RNF40: variants seen among roughly 807,000 people sequenced by gnomAD.
RNF40 encodes the protein E3 ubiquitin-protein ligase BRE1B.
A neutral mutation model predicts 123.3 loss-of-function variants in RNF40; 39 were observed. The observed-to-expected ratio is 0.32, with a 90% CI of 0.24 to 0.41. The LOEUF (loss-of-function observed/expected upper bound fraction) is 0.41. RNF40 is among the 10% of genes least tolerant of loss of function. The probability of loss-of-function intolerance (pLI) is 1.00; values close to 1 mark genes in which losing one functional copy is unlikely to be tolerated. For synonymous variants in RNF40, 538 were observed against 526.0 expected (o/e 1.02, Z -0.31); for missense variants, 1,003 against 1,319.9 (o/e 0.76, Z 3.72).
At chr16:30,761,814 G>T, upstream of RNF40, 1 of 1,406,640 alleles carries the variant, frequency 7.1e-7, no homozygotes, top group Non-Finnish European at 9.4e-7. Flanking sequence ...GACAGCCAGC[G>T]CTCGGTCGGC....
chr16:30,764,699 G>C (rs1321535995), intron 5 of RNF40, among the ~76,000 whole-genome samples: 1 of 152,214 alleles, frequency 6.6e-6, no homozygotes, highest in African/African-American at 2.4e-5. Flanking sequence ...GGCCTTGTAG[G>C]TTGACAGGCT....
At chr16:30,765,643 C>A in intron 8 of RNF40, 144 bp downstream of exon 8, 1 of 728,828 alleles carries the variant, frequency 1.4e-6, no homozygotes, top group South Asian at 1.8e-5. Context: ...CATTCATATA[C>A]TTGTTGAGTA....
Position 30,764,953 on chromosome 16 carries a change from T to A in RNF40, c.665T>A (p.Leu222His), listed in dbSNP as rs747623090. The A allele has an allele frequency of 1.2e-6, 2 of 1,612,102 alleles. No homozygotes were observed. Among genetic ancestry groups the A allele is most frequent in the East Asian group, 4.5e-5 (2 of 44,868 alleles). The change falls in exon 6 of 20, where the codon CTC (leucine) becomes CAC (histidine). Residue 222 changes from leucine (L) to histidine (H), a missense_variant. By Grantham distance (99) the Leu-to-His change is moderately conservative (BLOSUM62 -3). This residue lies in a region of RNF40 where 274 missense variants were observed against 356.9 expected (regional missense o/e 0.77). Coordinates refer to ENST00000324685, the MANE Select transcript of RNF40 (RefSeq NM_014771.4). ...GCCTTCCCAGGGGACAGTGAGCCCC[T>A]CAGTGAGGCGGCTCAGGCACACACC... ...RVYSRGDSEP[L>H]SEAAQAHTRE...
chr16:30,761,653 G>C (rs1199968486), upstream of RNF40: 2 of 1,535,838 alleles, frequency 1.3e-6, no homozygotes, highest in African/African-American at 1.4e-5. Context: ...GCACTGAGCT[G>C]CGATCCTTCC....
chr16:30,762,279 G>GT (rs1215979745), upstream of RNF40: 2 of 428,614 alleles, frequency 4.7e-6, no homozygotes, highest in Non-Finnish European at 8.4e-6. Context: ...CGCACCGTTG[G>GT]GGGGGGGGCA....
intron 8 of RNF40, 101 bp downstream of exon 8, chr16:30,765,600 TTCCTGGTCAC>T: frequency 9.5e-7 from 1 of 1,051,544 alleles, no homozygotes; most frequent in South Asian, 1.4e-5. Context: ...TCTGAGGCCC[TTCCTGGTCAC>T]TCCTGCTGCT....
Position 30,768,709 on chromosome 16 carries a change from G to A in RNF40, c.2070G>A (p.Met690Ile). ...AGCAGCGGGATAAGGTGCAGCTCAT[G>A]GCAGCGGAACGCAAGGCTAAGGCCG... is the stretch of plus-strand genomic sequence containing the variant. ...PKEQRDKVQL[M>I]AAERKAKAEV... Residue 690 changes from methionine (M) to isoleucine (I), a missense_variant, in exon 14 of 20, where the codon ATG (methionine) becomes ATA (isoleucine). Around this residue, in one of 11 missense-constraint regions of RNF40, gnomAD observed 295 missense variants for 331.7 expected, o/e 0.89. Coordinates refer to ENST00000324685, the MANE Select transcript of RNF40 (RefSeq NM_014771.4). The surrounding 1 kb of genome is among the most constrained non-coding windows in gnomAD (Gnocchi z 4.1). The A allele has an allele frequency of 6.2e-7, 1 of 1,614,108 alleles. No individual in the cohort carries two copies. The highest frequency in any genetic ancestry group is 1.1e-5 in the South Asian group (1 of 91,086).
At chr16:30,765,642 A>G in intron 8 of RNF40, 143 bp downstream of exon 8, 2 of 732,246 alleles carry the variant, frequency 2.7e-6, no homozygotes, top group Non-Finnish European at 4.5e-6. Flanking sequence ...GCATTCATAT[A>G]CTTGTTGAGT....
In RNF40 at chr16:30,766,498, G is replaced by C. The variant is rs139539933; in HGVS notation, c.1233G>C (p.Glu411Asp). 6.2e-7 allele frequency: 1 copy of C among 1,613,468 alleles called. No homozygotes were observed. The highest frequency in any genetic ancestry group is 1.3e-5 in the African/African-American group (1 of 74,898). Residue 411 changes from glutamate (E) to aspartate (D), a missense_variant, in exon 10 of 20, where the codon GAG becomes GAC. Coordinates refer to ENST00000324685, the MANE Select transcript of RNF40 (RefSeq NM_014771.4). This position sits in a 1 kb window ranked among gnomAD's most constrained non-coding sequence, Gnocchi z 5.4. ...TGCAAGTGAAGACCCAGCTAGACGA[G>C]GCTCGGGGCCTGCTGCTGGCCACAA... ...ESLQVKTQLD[E>D]ARGLLLATKN...
In RNF40 at chr16:30,768,471, G is replaced by C; in HGVS notation, c.1920G>C (p.Lys640Asn). ...CAAGGGCTGATCGGGAGAAGGCCAAGGTGGAAGAAACCAAGCGGAAGGAAT... is the reference window on the plus strand; with the variant it reads ...CAAGGGCTGATCGGGAGAAGGCCAACGTGGAAGAAACCAAGCGGAAGGAAT... The part of the protein sequence containing the change: ...ALSRADREKA[K>N]VEETKRKESE... The change falls in exon 13 of 20, where the codon AAG (lysine) becomes AAC (asparagine). Residue 640 changes from lysine (K) to asparagine (N), a missense_variant. By Grantham distance (94) the Lys-to-Asn change is moderately conservative. Coordinates refer to ENST00000324685, the MANE Select transcript of RNF40 (RefSeq NM_014771.4). This position sits in a 1 kb window ranked among gnomAD's most constrained non-coding sequence, Gnocchi z 4.1. 2 of 1,611,188 alleles carry C rather than the reference G, an allele frequency of 1.2e-6. No individual in the cohort carries two copies. Among genetic ancestry groups the C allele is most frequent in the South Asian group, 2.2e-5 (2 of 90,900 alleles).
chr16:30,763,569 G>C lies in RNF40; in HGVS notation c.442+10G>C. 2 of 1,613,882 alleles carry C rather than the reference G, an allele frequency of 1.2e-6. No homozygotes were observed. The highest frequency in any genetic ancestry group is 1.7e-6 in the Non-Finnish European group (2 of 1,179,974). On this transcript the variant is annotated intron_variant, in intron 4 of 19. Coordinates refer to ENST00000324685, the MANE Select transcript of RNF40 (RefSeq NM_014771.4). ...ACATCAGAGCTGAGAGGTAGGACCA[G>C]AGTGCTGGGATCTGGGGAGCTTAAG... is the stretch of plus-strand genomic sequence containing the variant.
chr16:30,767,788 C>T, intron 11 of RNF40, 106 bp from the exon 12 acceptor site: 1 of 1,470,610 alleles, frequency 6.8e-7, no homozygotes, highest in Admixed American at 1.7e-5. Context: ...GCAATGTTCC[C>T]CTCCTGCACA....
intron 19 of RNF40, among the ~76,000 whole-genome samples, chr16:30,772,449 G>A (rs2054164974): frequency 6.6e-6 from 1 of 152,182 alleles, no homozygotes; most frequent in African/African-American, 2.4e-5. Flanking sequence ...GGAGGAGGCA[G>A]CCAAGTAATT....
Position 30,765,416 on chromosome 16 carries a change from T to C in RNF40, c.919-9T>C. 1 of 1,614,224 alleles carries C rather than the reference T, an allele frequency of 6.2e-7. No homozygotes were observed. Among genetic ancestry groups the C allele is most frequent in the African/African-American group, 1.3e-5 (1 of 75,064 alleles). ...CTACATCCATTGCCTGTCTGTTTTC[T>C]CTCCACAGCTTAACTCTGGCTACTA... On this transcript the variant is annotated splice_polypyrimidine_tract_variant and intron_variant, in intron 7 of 19. Coordinates refer to ENST00000324685, the MANE Select transcript of RNF40 (RefSeq NM_014771.4).
In RNF40 at chr16:30,766,598, C is replaced by CA; in HGVS notation, c.1293+43dup. ...CAGGCGTTAGGGCTGGGCTAAGGGC[C>CA]AAACCGTTAGTGTTGACGTGTTTGT... On this transcript the variant is annotated intron_variant, in intron 10 of 19. Transcript: ENST00000324685. This position sits in a 1 kb window ranked among gnomAD's most constrained non-coding sequence, Gnocchi z 5.4. 1 of 1,587,348 alleles carries CA rather than the reference C, an allele frequency of 6.3e-7. No homozygotes were observed.
At chr16:30,765,122 C>T in intron 6 of RNF40, 59 bp from the exon 7 acceptor site, 3 of 1,611,416 alleles carry the variant, frequency 1.9e-6, no homozygotes, top group South Asian at 1.1e-5. Flanking sequence ...TAGATGGGCA[C>T]TCAGGGACCT....
At chr16:30,763,667 C>A in intron 4 of RNF40, 108 bp downstream of exon 4, 2 of 1,161,764 alleles carry the variant, frequency 1.7e-6, no homozygotes, top group Admixed American at 2.4e-5. Context: ...CTACTTCTCA[C>A]GAAATGGATT....
chr16:30,761,666 G>A (rs571048217), upstream of RNF40: 2 of 1,535,874 alleles, frequency 1.3e-6, no homozygotes, highest in Non-Finnish European at 1.7e-6. Flanking sequence ...ATCCTTCCCC[G>A]CTTCCCGCCG....
chr16:30,767,640 A>T, intron 11 of RNF40: 1 of 393,784 alleles, frequency 2.5e-6, no homozygotes, highest in Non-Finnish European at 4.6e-6. Context: ...CACTGTTTCT[A>T]TTTAAAAAAA....
Sources: allele counts gnomAD v4.1 joint callset (sites outside exome capture counted in the v4.1 genomes callset), GRCh38; gene constraint gnomAD v4.1.1; regional missense constraint gnomAD v4.1.1; non-coding constraint Gnocchi (gnomAD v3.1); transcripts MANE v1.5; gene names NCBI Gene and HGNC (gene_info 2026-07-23, HGNC 2026-07-21).